The following SLC35D4 variants were observed in gnomAD, a reference collection of about 807,000 sequenced individuals.
The protein encoded by SLC35D4 is UDP-N-acetylglucosamine transporter SLC35D4.
chr18:23,340,300 A>T, the SLC35D4 span, among the ~76,000 whole-genome samples: 1 of 152,004 alleles, frequency 6.6e-6, no homozygotes, highest in African/African-American at 2.4e-5. Flanking sequence ...GCATCACAGC[A>T]CCCTGGCCTG....
the SLC35D4 span, among the ~76,000 whole-genome samples, chr18:23,275,072 GTGTGTGTGTGCT>G: frequency 2.9e-5 from 4 of 140,078 alleles, no homozygotes; most frequent in African/African-American, 6.2e-5. Flanking sequence ...GTGTGCTTGT[GTGTGTGTGTGCT>G]TGTGTGCGTG....
chr18:23,400,089 T>G, the SLC35D4 span, among the ~76,000 whole-genome samples: 1 of 152,284 alleles, frequency 6.6e-6, no homozygotes, highest in African/African-American at 2.4e-5. Context: ...AGGGATGAAA[T>G]TGAAAAAAAG....
At chr18:23,312,675 C>T in the SLC35D4 span, among the ~76,000 whole-genome samples, 31 of 152,228 alleles carry the variant, frequency 2.0e-4, no homozygotes, top group South Asian at 5.6e-3. Flanking sequence ...TTTCTACGTG[C>T]GTGATGCCCC....
the SLC35D4 span, among the ~76,000 whole-genome samples, chr18:23,250,857 T>G: frequency 4.6e-5 from 7 of 152,348 alleles, no homozygotes; most frequent in South Asian, 1.0e-3. Context: ...TTGTTGGAGT[T>G]AATATTGCTG....
the SLC35D4 span, among the ~76,000 whole-genome samples, chr18:23,312,181 C>A: frequency 6.6e-6 from 1 of 152,194 alleles, no homozygotes; most frequent in Admixed American, 6.5e-5. Context: ...TAAAAAGGGA[C>A]AACTGCCCTG....
the SLC35D4 span, among the ~76,000 whole-genome samples, chr18:23,304,343 G>T: frequency 6.8e-6 from 1 of 146,044 alleles, no homozygotes; most frequent in Non-Finnish European, 1.5e-5. Flanking sequence ...CAGAAATTTG[G>T]GGAAAAGTCT....
chr18:23,292,986 T>C, the SLC35D4 span, among the ~76,000 whole-genome samples: 210 of 152,298 alleles, frequency 1.4e-3, 2 homozygotes, highest in African/African-American at 4.6e-3. Context: ...ACGCCTATAA[T>C]CCCAGCACTT....
At chr18:23,330,572 AC>A in the SLC35D4 span, among the ~76,000 whole-genome samples, 1 of 152,082 alleles carries the variant, frequency 6.6e-6, no homozygotes, top group Non-Finnish European at 1.5e-5. Flanking sequence ...GCATTTCCAC[AC>A]CCCAGCCCAT....
the SLC35D4 span, among the ~76,000 whole-genome samples, chr18:23,387,085 T>C: frequency 2.6e-5 from 4 of 152,216 alleles, no homozygotes; most frequent in African/African-American, 9.6e-5. Context: ...AATTTTTGTA[T>C]TTTTTTAGTA....
chr18:23,312,448 C>T, the SLC35D4 span, among the ~76,000 whole-genome samples: 1 of 152,224 alleles, frequency 6.6e-6, no homozygotes, highest in Non-Finnish European at 1.5e-5. Flanking sequence ...CTGCCTTCTC[C>T]TGAGTCACCT....
chr18:23,312,196 C>T, the SLC35D4 span, among the ~76,000 whole-genome samples: 26 of 152,186 alleles, frequency 1.7e-4, no homozygotes, highest in African/African-American at 5.8e-4. Flanking sequence ...GCCCTGTCCC[C>T]CACCATACCC....
the SLC35D4 span, among the ~76,000 whole-genome samples, chr18:23,365,942 G>A: frequency 1.3e-5 from 2 of 152,100 alleles, no homozygotes; most frequent in Non-Finnish European, 1.5e-5. Context: ...CTCAATCCTG[G>A]CTGACCCTAG....
the SLC35D4 span, chr18:23,430,553 T>A: frequency 8.1e-7 from 1 of 1,230,364 alleles, no homozygotes. Flanking sequence ...ATCTATGCAG[T>A]TATTAAAACT....
At chr18:23,276,969 A>G in the SLC35D4 span, among the ~76,000 whole-genome samples, 1 of 152,224 alleles carries the variant, frequency 6.6e-6, no homozygotes, top group African/African-American at 2.4e-5. Context: ...CCTGTCATCT[A>G]GTGCCATGAT....
At chr18:23,374,646 A>G in the SLC35D4 span, among the ~76,000 whole-genome samples, 1 of 151,860 alleles carries the variant, frequency 6.6e-6, no homozygotes, top group Admixed American at 6.6e-5. Context: ...CCACCTCACC[A>G]GGCTAATTTT....
chr18:23,412,337 GA>G, the SLC35D4 span, among the ~76,000 whole-genome samples: 4 of 152,058 alleles, frequency 2.6e-5, no homozygotes, highest in Non-Finnish European at 5.9e-5. Context: ...CAAACAAAAA[GA>G]AACCAAGGTT....
the SLC35D4 span, among the ~76,000 whole-genome samples, chr18:23,386,980 G>A: frequency 6.6e-6 from 1 of 152,142 alleles, no homozygotes; most frequent in African/African-American, 2.4e-5. Context: ...TGCCATCTCG[G>A]CTCACTGCAA....
At chr18:23,430,579 G>GT in the SLC35D4 span, 2 of 1,422,150 alleles carry the variant, frequency 1.4e-6, no homozygotes, top group Non-Finnish European at 2.0e-6. Context: ...AAAGAATGAT[G>GT]GTGGTTGGAC....
the SLC35D4 span, among the ~76,000 whole-genome samples, chr18:23,351,018 G>T: frequency 6.6e-6 from 1 of 152,076 alleles, no homozygotes; most frequent in African/African-American, 2.4e-5. Flanking sequence ...TTGGGAAGAG[G>T]TTTCATCAAC....
Sources: gnomAD v4.1 joint callset for allele counts (sites outside exome capture counted in the v4.1 genomes callset) on GRCh38, gnomAD v4.1.1 for gene constraint, MANE v1.5 for transcripts, NCBI Gene and HGNC (gene_info 2026-07-23, HGNC 2026-07-21) for gene names.